The following FSTL4 variants were observed in gnomAD, a reference collection of about 807,000 sequenced individuals.
The protein encoded by FSTL4 is follistatin-related protein 4.
Under a neutral mutation model 78.2 loss-of-function variants are expected in FSTL4, and 28 were observed. That is an observed-to-expected ratio of 0.36 (90% CI 0.27 to 0.49). The LOEUF (loss-of-function observed/expected upper bound fraction) is 0.49. Ranked by LOEUF, FSTL4 falls within the 20% of genes least tolerant of loss-of-function variation. The probability of loss-of-function intolerance (pLI) is 0.98; values close to 1 mark genes in which losing one functional copy is unlikely to be tolerated. For synonymous variants in FSTL4, 422 were observed against 440.5 expected, an observed-to-expected ratio of 0.96 and a Z score of 0.53; for missense variants, 922 against 1,084.9, an observed-to-expected ratio of 0.85 and a Z score of 2.11.
chr5:133,807,582 T>G, the FSTL4 span, among the ~76,000 whole-genome samples: 1 of 152,206 alleles, frequency 6.6e-6, no homozygotes. Flanking sequence ...CCAGCTGAAT[T>G]GTGCCTCTGA....
chr5:133,822,973 T>G, the FSTL4 span, among the ~76,000 whole-genome samples: 46 of 151,958 alleles, frequency 3.0e-4, 1 homozygote, highest in East Asian at 8.1e-3. Context: ...TGCCCTGGAG[T>G]AGCTTTCATG....
chr5:133,239,770 T>A (rs1380071295), intron 7 of FSTL4, among the ~76,000 whole-genome samples: 2 of 152,156 alleles, frequency 1.3e-5, no homozygotes, highest in African/African-American at 4.8e-5. Context: ...TTGGAGAAAC[T>A]TTGTGTGGAC....
chr5:133,221,056 C>G, intron 11 of FSTL4, 190 bp from the exon 12 acceptor site: 1 of 681,984 alleles, frequency 1.5e-6, no homozygotes, highest in Non-Finnish European at 2.7e-6. Context: ...AGAGGGCCCC[C>G]CAGGACTATG....
At chr5:133,422,846 T>C (rs1756729677) in intron 3 of FSTL4, among the ~76,000 whole-genome samples, 2 of 152,284 alleles carry the variant, frequency 1.3e-5, no homozygotes, top group Admixed American at 6.5e-5. Flanking sequence ...ATGTGTTTAA[T>C]TGGGTCATTC....
chr5:133,738,343 C>T, the FSTL4 span, among the ~76,000 whole-genome samples: 1 of 152,218 alleles, frequency 6.6e-6, no homozygotes, highest in East Asian at 1.9e-4. Flanking sequence ...AAGAGCATTT[C>T]ATAACTCAGA....
At chr5:133,652,267 T>C in the FSTL4 span, among the ~76,000 whole-genome samples, 3 of 152,128 alleles carry the variant, frequency 2.0e-5, no homozygotes, top group Non-Finnish European at 4.4e-5. Context: ...TCTAATTTTT[T>C]ATTTTTTCTT....
chr5:133,494,469 A>G (rs999652453), intron 3 of FSTL4, among the ~76,000 whole-genome samples: 2 of 152,090 alleles, frequency 1.3e-5, no homozygotes, highest in Non-Finnish European at 2.9e-5. Context: ...TGTTGTTACT[A>G]ATGTCCCCAG....
intron 3 of FSTL4, among the ~76,000 whole-genome samples, chr5:133,409,916 C>T (rs1272156363): frequency 1.3e-5 from 2 of 152,162 alleles, no homozygotes; most frequent in Non-Finnish European, 2.9e-5. Flanking sequence ...CCCTCAGTTT[C>T]CTCGTGGGTA....
rs114875035 is a variant in FSTL4 at position 133,352,909 on chromosome 5, T to C, written c.410-36257A>G. Among the ~76,000 whole-genome samples the C allele has an allele frequency of 5.5e-3, 841 of 152,366 alleles. 6 individuals carry two copies. The highest frequency in any genetic ancestry group is 0.019 in the African/African-American group (805 of 41,578). ...TTGCTATTGCGAATAGCTTATTGCT[T>C]TAAATATTTTAAACACTCTTTAAAA... On this transcript the variant is annotated intron_variant, in intron 4 of 15. Transcript: ENST00000265342.
the FSTL4 span, among the ~76,000 whole-genome samples, chr5:133,725,955 C>A: frequency 6.6e-6 from 1 of 152,182 alleles, no homozygotes; most frequent in African/African-American, 2.4e-5. Context: ...ACAGTCACCC[C>A]TCACCAGCAT....
At chr5:133,422,334 G>C (rs755625258) in intron 3 of FSTL4, among the ~76,000 whole-genome samples, 1 of 152,132 alleles carries the variant, frequency 6.6e-6, no homozygotes, top group African/African-American at 2.4e-5. Context: ...TGACAGAAAT[G>C]TGGCAAAAGG....
the FSTL4 span, among the ~76,000 whole-genome samples, chr5:133,797,854 C>T: frequency 1.3e-5 from 2 of 152,096 alleles, no homozygotes; most frequent in Non-Finnish European, 2.9e-5. Context: ...TCAACCAGTC[C>T]CGCCGCAGGG....
At chr5:133,329,299 C>T (rs56366126) in intron 4 of FSTL4, among the ~76,000 whole-genome samples, 204 of 152,198 alleles carry the variant, frequency 1.3e-3, no homozygotes, top group Non-Finnish European at 2.1e-3. Context: ...GGGGTCCTAG[C>T]GATCCTGACC....
chr5:133,385,950 T>C (rs1193782867), intron 4 of FSTL4, among the ~76,000 whole-genome samples: 1 of 152,124 alleles, frequency 6.6e-6, no homozygotes, highest in Non-Finnish European at 1.5e-5. Flanking sequence ...TTTTAAATTA[T>C]ACATGTAAGA....
chr5:133,471,556 C>A (rs1422997129), intron 3 of FSTL4, among the ~76,000 whole-genome samples: 1 of 152,176 alleles, frequency 6.6e-6, no homozygotes, highest in Admixed American at 6.5e-5. Context: ...AAGGTGCCAT[C>A]TATGAACCAG....
intron 6 of FSTL4, among the ~76,000 whole-genome samples, chr5:133,257,547 G>T (rs917427349): frequency 1.3e-5 from 2 of 152,198 alleles, no homozygotes; most frequent in Non-Finnish European, 2.9e-5. Context: ...CAATGTGACT[G>T]CTGTGTGCAG....
At chr5:133,386,879 C>T (rs573392735) in intron 4 of FSTL4, among the ~76,000 whole-genome samples, 33 of 152,260 alleles carry the variant, frequency 2.2e-4, no homozygotes, top group South Asian at 8.3e-4. Flanking sequence ...CACATAGCCA[C>T]GTGGAGACAG....
intron 3 of FSTL4, among the ~76,000 whole-genome samples, chr5:133,464,761 G>T (rs1757669953): frequency 1.3e-5 from 2 of 152,206 alleles, no homozygotes; most frequent in South Asian, 4.1e-4. Flanking sequence ...GGATTTGATC[G>T]GGGAAATTCT....
chr5:133,703,246 C>T, the FSTL4 span, among the ~76,000 whole-genome samples: 4 of 152,200 alleles, frequency 2.6e-5, no homozygotes, highest in Non-Finnish European at 5.9e-5. Context: ...CTCTGCATCT[C>T]CTCAAATTCC....
Sources: gnomAD v4.1 joint callset for allele counts (sites outside exome capture counted in the v4.1 genomes callset) on GRCh38, gnomAD v4.1.1 for gene constraint, MANE v1.5 for transcripts, NCBI Gene and HGNC (gene_info 2026-07-23, HGNC 2026-07-21) for gene names.